ADPRH: variants seen among roughly 807,000 people sequenced by gnomAD.
ADPRH encodes ADP-ribosylarginine hydrolase.
ADPRH carries 27 observed loss-of-function variants against 28.8 expected under a neutral mutation model. That is an observed-to-expected ratio of 0.94 (90% CI 0.69 to 1.29). ADPRH has a LOEUF of 1.29. Among genes scored for constraint, ADPRH ranks in the 50% most tolerant of loss-of-function variants. ADPRH has a pLI of 0.00. For synonymous variants in ADPRH, 161 were observed against 166.9 expected (o/e 0.96, Z 0.27); for missense variants, 419 against 444.8 (o/e 0.94, Z 0.52).
In ADPRH at chr3:119,586,714, T is replaced by C. The variant is rs559819456; in HGVS notation, c.659+69T>C. 3.9e-5 allele frequency: 62 copies of C among 1,569,682 alleles called. No individual in the cohort carries two copies. In the East Asian group the frequency reaches 1.3e-3, roughly 33 times the overall value. ...GTGCGTGTACATCCACCTGCACATA[T>C]ATGTCTTGTATTCAGAGATCACAGC... On this transcript the variant is annotated intron_variant, in intron 4 of 4. Transcript: ENST00000357003.
In ADPRH at chr3:119,586,265, C is replaced by T. The variant is rs764713904; in HGVS notation, c.299-20C>T. On this transcript the variant is annotated intron_variant, in intron 3 of 4. Transcript: ENST00000357003. Reference sequence around the variant, plus strand: ...GCTTTGGTTATGCTAACCCCCATCCCTTATCCGACTCTTCCCCAGGTGGTG... The same window carrying T: ...GCTTTGGTTATGCTAACCCCCATCCTTTATCCGACTCTTCCCCAGGTGGTG... 6.2e-7 allele frequency: 1 copy of T among 1,612,144 alleles called. No homozygotes were observed. Among genetic ancestry groups the T allele is most frequent in the African/African-American group, 1.3e-5 (1 of 74,870 alleles).
intron 2 of ADPRH, among the ~76,000 whole-genome samples, chr3:119,580,891 T>C (rs2082399553): frequency 4.6e-5 from 7 of 152,108 alleles, no homozygotes; most frequent in Admixed American, 4.6e-4. Flanking sequence ...ATTCGAATTC[T>C]CTAGAAGCTG....
rs1199704470 is a variant in ADPRH, at chr3:119,579,698, C to T, written c.-276C>T. The T allele has an allele frequency of 6.6e-6, 1 of 152,442 alleles. No homozygotes were observed. The highest frequency in any genetic ancestry group is 6.5e-5 in the Admixed American group (1 of 15,294). 9.4% of individuals were successfully genotyped at this position (152,442 alleles called of 1,614,324 possible). On this transcript the variant is annotated 5_prime_UTR_variant, in exon 1 of 5. Coordinates refer to ENST00000357003, the MANE Select transcript of ADPRH (RefSeq NM_001125.4). ...GCGCAGGTGCGGGGGCCCTCGCCGC[C>T]ACCCTGCTTATCTGGGGACAGTCCC...
intron 2 of ADPRH, 46 bp from the exon 3 acceptor site, chr3:119,582,088 T>A: frequency 2.4e-6 from 3 of 1,257,844 alleles, no homozygotes; most frequent in Non-Finnish European, 3.3e-6. Flanking sequence ...TTTCTGATTC[T>A]TCTTGCTCCT....
intron 2 of ADPRH, among the ~76,000 whole-genome samples, chr3:119,581,064 CTT>C (rs71156755): frequency 1.9e-4 from 23 of 120,226 alleles, no homozygotes; most frequent in South Asian, 5.4e-4. Context: ...ACTCTAAGAA[CTT>C]TTTTTTTTTT....
Position 119,589,834 on chromosome 3 carries a change from CAGAGAA to C in ADPRH, c.*1962_*1967del, listed in dbSNP as rs2082499929. 1 of 150,698 alleles carries C rather than the reference CAGAGAA, an allele frequency of 6.6e-6. No homozygotes were observed. Among genetic ancestry groups the C allele is most frequent in the South Asian group, 2.1e-4 (1 of 4,790 alleles). The allele number at this position is 150,698 out of a possible 1,614,324, so 9.3% of individuals were successfully genotyped here. On this transcript the variant is annotated 3_prime_UTR_variant, in exon 5 of 5. Coordinates refer to ENST00000357003, the MANE Select transcript of ADPRH (RefSeq NM_001125.4). ...CTTCTTTATGTGTGTGTATGTGTGT[CAGAGAA>C]AGAGAGAGAGAGAGAGAGAAGGGAG... is the stretch of plus-strand genomic sequence containing the variant.
chr3:119,583,308 T>C (rs1223854637), intron 3 of ADPRH, among the ~76,000 whole-genome samples: 2 of 152,130 alleles, frequency 1.3e-5, no homozygotes, highest in Non-Finnish European at 2.9e-5. Flanking sequence ...CATTTAAAAT[T>C]ATTCAGGGTG....
chr3:119,582,427 T>C lies in ADPRH; in HGVS notation c.258T>C (p.His86=). ...LTQLYYLLAK[H]YQDCMEDMDG... ...AACTGTATTACCTCCTTGCTAAGCA[T>C]TACCAAGACTGCATGGAAGACATGG... The change falls in exon 3 of 5, where the codon CAT becomes CAC. Residue 86 remains histidine, a synonymous_variant. Transcript: ENST00000357003. 3 of 1,613,876 alleles carry C rather than the reference T, an allele frequency of 1.9e-6. No homozygotes were observed. Among genetic ancestry groups the C allele is most frequent in the Non-Finnish European group, 1.7e-6 (2 of 1,179,890 alleles).
At position 119,586,336 on chromosome 3, in the gene ADPRH, G is replaced by T; in HGVS notation, c.350G>T (p.Gly117Val). The change falls in exon 4 of 5, where the codon GGC becomes GTC. Residue 117 changes from glycine to valine, a missense_variant. Transcript: ENST00000357003. Reference protein sequence around the residue: ...AMQLKPGKPNGWRIPFNSHEG... With the variant: ...AMQLKPGKPNVWRIPFNSHEG... ...CAGCTGAAGCCGGGCAAGCCCAATG[G>T]CTGGAGGATTCCCTTCAACAGCCAT... is the stretch of plus-strand genomic sequence containing the variant. 6.2e-7 allele frequency: 1 copy of T among 1,614,090 alleles called. No homozygotes were observed. The highest frequency in any genetic ancestry group is 2.2e-5 in the East Asian group (1 of 44,886).
intron 3 of ADPRH, among the ~76,000 whole-genome samples, chr3:119,585,107 A>G (rs1180350902): frequency 2.0e-5 from 3 of 152,172 alleles, no homozygotes; most frequent in Non-Finnish European, 2.9e-5. Context: ...AAAGCTTCCC[A>G]TCACCATACC....
intron 4 of ADPRH, 87 bp downstream of exon 4, chr3:119,586,732 A>T: frequency 6.5e-7 from 1 of 1,543,800 alleles, no homozygotes; most frequent in Non-Finnish European, 8.7e-7. Flanking sequence ...GTATTCAGAG[A>T]TCACAGCAAC....
At chr3:119,581,596 C>G (rs1478288143) in intron 2 of ADPRH, among the ~76,000 whole-genome samples, 3 of 152,154 alleles carry the variant, frequency 2.0e-5, no homozygotes, top group Non-Finnish European at 2.9e-5. Context: ...TTTAGCTTAT[C>G]TGAGCCTTCA....
chr3:119,582,715 T>TAG (rs1250705185), intron 3 of ADPRH, among the ~76,000 whole-genome samples: 2 of 152,152 alleles, frequency 1.3e-5, no homozygotes, highest in Non-Finnish European at 2.9e-5. Flanking sequence ...ACCCTGTCTC[T>TAG]AGAATGGGGT....
At chr3:119,581,218 C>T (rs1184906754) in intron 2 of ADPRH, among the ~76,000 whole-genome samples, 2 of 152,004 alleles carry the variant, frequency 1.3e-5, no homozygotes, top group Admixed American at 6.5e-5. Flanking sequence ...CAGGCATGCA[C>T]CACCATACCC....
chr3:119,586,722 G>C (rs1327464421), intron 4 of ADPRH, 77 bp downstream of exon 4: 22 of 1,560,250 alleles, frequency 1.4e-5, no homozygotes, highest in Non-Finnish European at 1.9e-5. Context: ...TATATGTCTT[G>C]TATTCAGAGA....
At chr3:119,587,264 A>G (rs1397369798) in intron 4 of ADPRH, among the ~76,000 whole-genome samples, 200 bp from the exon 5 acceptor site, 1 of 152,206 alleles carries the variant, frequency 6.6e-6, no homozygotes, top group African/African-American at 2.4e-5. Flanking sequence ...TGCCTTATTT[A>G]TGTAGATCCT....
At chr3:119,585,919 T>C (rs2082454586) in intron 3 of ADPRH, among the ~76,000 whole-genome samples, 1 of 152,262 alleles carries the variant, frequency 6.6e-6, no homozygotes, top group Non-Finnish European at 1.5e-5. Context: ...ACCCAGCCAC[T>C]AACTAGCTGA....
At chr3:119,587,231 T>C (rs777608754) in intron 4 of ADPRH, among the ~76,000 whole-genome samples, 2 of 152,260 alleles carry the variant, frequency 1.3e-5, no homozygotes, top group Non-Finnish European at 2.9e-5. Context: ...GATATGTATC[T>C]CTTTATTTAG....
chr3:119,582,043 G>A, intron 2 of ADPRH, 91 bp from the exon 3 acceptor site: 1 of 967,192 alleles, frequency 1.0e-6, no homozygotes, highest in East Asian at 2.4e-5. Context: ...TGCAAGTAGT[G>A]AGTGCTCAAT....
Sources: gnomAD v4.1 joint callset for allele counts (sites outside exome capture counted in the v4.1 genomes callset) on GRCh38, gnomAD v4.1.1 for gene constraint, MANE v1.5 for transcripts, NCBI Gene and HGNC (gene_info 2026-07-23, HGNC 2026-07-21) for gene names.